KCNIP4: variants seen among roughly 807,000 people sequenced by gnomAD.
KCNIP4 encodes potassium voltage-gated channel interacting protein 4, also known as Kv channel-interacting protein 4.
Under a neutral mutation model 34.0 loss-of-function variants are expected in KCNIP4, and 12 were observed. That is an observed-to-expected ratio of 0.35 (90% CI 0.23 to 0.57). The LOEUF is 0.57. Among genes scored for constraint, KCNIP4 ranks in the 20% least tolerant of loss-of-function variants. The pLI, the probability that KCNIP4 is intolerant of heterozygous loss-of-function variation, is 0.83. For synonymous variants in KCNIP4, 124 were observed against 102.2 expected, an observed-to-expected ratio of 1.21 and a Z score of -1.29; for missense variants, 238 against 311.7, an observed-to-expected ratio of 0.76 and a Z score of 1.78.
chr4:20,766,118 G>A (rs1031784288), intron 3 of KCNIP4, among the ~76,000 whole-genome samples: 3 of 152,046 alleles, frequency 2.0e-5, no homozygotes, highest in Admixed American at 1.3e-4. Flanking sequence ...TGCATTAAAT[G>A]TTTTACATGG....
intron 1 of KCNIP4, among the ~76,000 whole-genome samples, chr4:21,762,578 C>T (rs548646240): frequency 2.6e-5 from 4 of 152,148 alleles, no homozygotes; most frequent in South Asian, 4.1e-4. Flanking sequence ...GTTAGTTAGA[C>T]GAATCTCAGG....
chr4:21,564,341 CAT>C (rs1739676201), intron 1 of KCNIP4, among the ~76,000 whole-genome samples: 2 of 152,086 alleles, frequency 1.3e-5, no homozygotes, highest in South Asian at 2.1e-4. Context: ...AATGAGCTCT[CAT>C]GTGCACCTAT....
intron 1 of KCNIP4, among the ~76,000 whole-genome samples, chr4:21,156,424 A>T (rs1485336407): frequency 2.0e-5 from 3 of 152,192 alleles, no homozygotes; most frequent in Admixed American, 1.3e-4. Flanking sequence ...CTAGGGGATC[A>T]TGAAACAATT....
intron 1 of KCNIP4, among the ~76,000 whole-genome samples, chr4:21,833,797 G>C (rs1420963341): frequency 1.3e-5 from 2 of 152,268 alleles, no homozygotes; most frequent in East Asian, 3.9e-4. Context: ...TCCAGTTTCA[G>C]CTTCCTACAT....
chr4:20,943,476 C>A (rs1265198055), intron 1 of KCNIP4, among the ~76,000 whole-genome samples: 3 of 152,128 alleles, frequency 2.0e-5, no homozygotes, highest in Non-Finnish European at 4.4e-5. Flanking sequence ...TACTTGCTGC[C>A]CACTGAAGCT....
At chr4:21,102,645 A>T (rs915767675) in intron 1 of KCNIP4, among the ~76,000 whole-genome samples, 3 of 152,226 alleles carry the variant, frequency 2.0e-5, no homozygotes, top group Non-Finnish European at 4.4e-5. Flanking sequence ...ATTTCCATGT[A>T]ATTAATTCTG....
intron 5 of KCNIP4, among the ~76,000 whole-genome samples, chr4:20,735,530 G>GTTTTTTTTTTT (rs10542507): frequency 9.1e-6 from 1 of 109,710 alleles, no homozygotes; most frequent in Non-Finnish European, 1.8e-5. Context: ...TTTTTTTTTT[G>GTTTTTTTTTTT]TTTTTTTTTT....
intron 1 of KCNIP4, among the ~76,000 whole-genome samples, chr4:21,190,503 GGGT>G (rs199803763): frequency 0.021 from 3,066 of 148,242 alleles, 117 homozygotes; most frequent in African/African-American, 0.073. Flanking sequence ...TTTTGCGAGT[GGGT>G]GGGGGGGGGC....
At chr4:21,657,131 C>A (rs368484806) in intron 1 of KCNIP4, among the ~76,000 whole-genome samples, 1 of 152,180 alleles carries the variant, frequency 6.6e-6, no homozygotes, top group East Asian at 1.9e-4. Flanking sequence ...ATATTAACCA[C>A]CCTGAGTAGT....
intron 1 of KCNIP4, among the ~76,000 whole-genome samples, chr4:21,442,368 A>G (rs1727563572): frequency 6.6e-6 from 1 of 152,214 alleles, no homozygotes. Flanking sequence ...GGATTCAAGT[A>G]AAGGGCAAAG....
At chr4:21,844,271 G>A (rs907151384) in intron 1 of KCNIP4, 2 of 152,028 alleles carry the variant, frequency 1.3e-5, no homozygotes, top group African/African-American at 4.8e-5. Flanking sequence ...TGGGTACATG[G>A]AAAAATTGAT....
At chr4:20,999,438 G>GTTTTTTTTTTTTTTTTTTTTTT (rs56952036) in intron 1 of KCNIP4, among the ~76,000 whole-genome samples, 4 of 45,530 alleles carry the variant, frequency 8.8e-5, no homozygotes, top group African/African-American at 2.8e-4. Flanking sequence ...TTTGTTTTTT[G>GTTTTTTTTTTTTTTTTTTTTTT]TTTTTTTTTT....
chr4:21,019,152 CT>C (rs1321125043), intron 1 of KCNIP4, among the ~76,000 whole-genome samples: 1 of 152,036 alleles, frequency 6.6e-6, no homozygotes, highest in Non-Finnish European at 1.5e-5. Context: ...ATTTTCTATT[CT>C]TTTTTGTTGT....
intron 1 of KCNIP4, among the ~76,000 whole-genome samples, chr4:21,833,146 G>C (rs982224079): frequency 1.2e-4 from 18 of 151,486 alleles, no homozygotes; most frequent in Middle Eastern, 6.8e-3. Context: ...TCTAGTTCTA[G>C]ATCCCTGAGG....
At chr4:20,827,098 T>C (rs1212658715) in intron 3 of KCNIP4, among the ~76,000 whole-genome samples, 1 of 152,196 alleles carries the variant, frequency 6.6e-6, no homozygotes, top group Non-Finnish European at 1.5e-5. Flanking sequence ...TTATGCCAGT[T>C]CCAGGCCTAG....
intron 1 of KCNIP4, among the ~76,000 whole-genome samples, chr4:21,277,894 T>C (rs1454158861): frequency 6.6e-6 from 1 of 152,158 alleles, no homozygotes; most frequent in African/African-American, 2.4e-5. Context: ...AAAGATAAAA[T>C]GCTAAACAGC....
intron 1 of KCNIP4, among the ~76,000 whole-genome samples, chr4:21,110,757 C>G (rs1175444017): frequency 3.3e-5 from 5 of 152,154 alleles, no homozygotes; most frequent in Non-Finnish European, 7.3e-5. Context: ...TCTCCTTCCA[C>G]CATGTGAGGA....
chr4:20,974,846 C>T (rs960231367), intron 1 of KCNIP4, among the ~76,000 whole-genome samples: 1 of 152,182 alleles, frequency 6.6e-6, no homozygotes, highest in South Asian at 2.1e-4. Flanking sequence ...GAAAACCTTT[C>T]TTTCCTGGAT....
At chr4:21,295,832 G>A (rs533462702) in intron 1 of KCNIP4, among the ~76,000 whole-genome samples, 5 of 152,006 alleles carry the variant, frequency 3.3e-5, no homozygotes, top group African/African-American at 1.2e-4. Context: ...TTCCCCAATA[G>A]TATATACATT....
Sources: allele counts gnomAD v4.1 joint callset (sites outside exome capture counted in the v4.1 genomes callset), GRCh38; gene constraint gnomAD v4.1.1; transcripts MANE v1.5; gene names NCBI Gene and HGNC (gene_info 2026-07-23, HGNC 2026-07-21).